The following PHACTR3 variants were observed in gnomAD, a reference collection of about 807,000 sequenced individuals.
The protein encoded by PHACTR3 is phosphatase and actin regulator 3, also known as protein phosphatase 1, regulatory subunit 123.
In PHACTR3, 16 loss-of-function variants were observed where a neutral mutation model predicts 66.8. That is an observed-to-expected ratio of 0.24 (90% confidence interval 0.16 to 0.36). The LOEUF is 0.36. PHACTR3 is among the 10% of genes least tolerant of loss of function. The pLI is 1.00. For missense variants in PHACTR3, 647 were observed against 719.9 expected (o/e 0.90, Z 1.16); for synonymous variants, 323 against 292.1 (o/e 1.11, Z -1.08).
At chr20:59,785,874 C>CT (rs1568820671) in intron 7 of PHACTR3, among the ~76,000 whole-genome samples, 1 of 138,848 alleles carries the variant, frequency 7.2e-6, no homozygotes, top group African/African-American at 3.3e-5. Flanking sequence ...TCTGCATCCC[C>CT]TACTTCATTT....
chr20:59,733,776 G>C (rs1209878708), intron 1 of PHACTR3, among the ~76,000 whole-genome samples: 1 of 152,076 alleles, frequency 6.6e-6, no homozygotes, highest in South Asian at 2.1e-4. Flanking sequence ...ATAGTTCTTC[G>C]CTTGCTAGGG....
rs528875142 is a variant in PHACTR3, at chr20:59,584,101, C to G, written c.109+6484C>G. 3.9e-5 allele frequency among the ~76,000 whole-genome samples: 6 copies of G among 152,376 alleles called. 1 individual carries two copies. The South Asian group carries it at 1.2e-3, about 32-fold the overall frequency. On this transcript the variant is annotated intron_variant, in intron 1 of 12. Coordinates refer to the PHACTR3 transcript ENST00000359926. Reference sequence around the variant, plus strand: ...AGCGCGTGGGCAAGAAGGTGTCGTACTGGTGCCCGTGTGTGCAACGGGGCA... The same window carrying G: ...AGCGCGTGGGCAAGAAGGTGTCGTAGTGGTGCCCGTGTGTGCAACGGGGCA...
chr20:59,602,285 G>A (rs1012310030), upstream of PHACTR3, among the ~76,000 whole-genome samples: 9 of 151,898 alleles, frequency 5.9e-5, no homozygotes, highest in Admixed American at 1.3e-4. Context: ...CATGCATGTC[G>A]GCCCGGTGTG....
intron 1 of PHACTR3, among the ~76,000 whole-genome samples, chr20:59,693,725 C>T (rs1025042318): frequency 2.0e-5 from 3 of 152,184 alleles, no homozygotes; most frequent in African/African-American, 4.8e-5. Flanking sequence ...TGCATGCATC[C>T]GTATTCAACT....
In PHACTR3 at chr20:59,631,394, C is replaced by A. The variant is rs546155789; in HGVS notation, c.118+26262C>A. ...TCTTCTGTCCCCTAGCCCCCAGCAA[C>A]AGCAAACACTTAGTGCCTGCCTTTC... On this transcript the variant is annotated intron_variant, in intron 1 of 12. Coordinates refer to ENST00000371015, the MANE Select transcript of PHACTR3 (RefSeq NM_080672.5). Among the ~76,000 whole-genome samples, 5 of 152,310 alleles carry A rather than the reference C, an allele frequency of 3.3e-5. No individual in the cohort carries two copies. The South Asian group carries it at 8.3e-4, about 25-fold the overall frequency.
At chr20:59,693,579 C>T (rs569067486) in intron 1 of PHACTR3, among the ~76,000 whole-genome samples, 1 of 152,180 alleles carries the variant, frequency 6.6e-6, no homozygotes, top group African/African-American at 2.4e-5. Flanking sequence ...AGCTTCACTA[C>T]TTCTGAGACT....
At chr20:59,592,224 G>T (rs1485182168) in intron 1 of PHACTR3, among the ~76,000 whole-genome samples, 1 of 152,150 alleles carries the variant, frequency 6.6e-6, no homozygotes, top group Admixed American at 6.5e-5. Flanking sequence ...TCCTTAGAGA[G>T]CCCTGTGCCT....
intron 1 of PHACTR3, among the ~76,000 whole-genome samples, chr20:59,593,048 T>G (rs2033230875): frequency 6.6e-6 from 1 of 152,206 alleles, no homozygotes; most frequent in Admixed American, 6.5e-5. Flanking sequence ...GGTAAGAGAA[T>G]TTTTAGTTTT....
chr20:59,586,482 G>A (rs2033032096), intron 1 of PHACTR3, among the ~76,000 whole-genome samples: 1 of 151,930 alleles, frequency 6.6e-6, no homozygotes, highest in Admixed American at 6.5e-5. Context: ...TGCTATCTGT[G>A]CCTTTTCCTA....
intron 1 of PHACTR3, among the ~76,000 whole-genome samples, chr20:59,612,617 C>T (rs905739792): frequency 6.6e-6 from 1 of 152,196 alleles, no homozygotes; most frequent in Non-Finnish European, 1.5e-5. Context: ...AACTCTTGAC[C>T]TTGTGATCCG....
intron 8 of PHACTR3, among the ~76,000 whole-genome samples, chr20:59,835,308 C>A (rs1015277029): frequency 1.3e-5 from 2 of 151,948 alleles, no homozygotes; most frequent in Non-Finnish European, 2.9e-5. Context: ...CACTGAACAT[C>A]GAGATATGAT....
intron 8 of PHACTR3, among the ~76,000 whole-genome samples, chr20:59,828,054 C>A (rs529515544): frequency 6.6e-6 from 1 of 152,226 alleles, no homozygotes; most frequent in Non-Finnish European, 1.5e-5. Flanking sequence ...ACTGGCCCCC[C>A]ATTCCACTTG....
intron 1 of PHACTR3, among the ~76,000 whole-genome samples, chr20:59,588,670 C>G (rs575155622): frequency 2.6e-5 from 4 of 152,328 alleles, no homozygotes; most frequent in Admixed American, 2.0e-4. Flanking sequence ...TGCTTCTCAG[C>G]CCCTCCAGCT....
rs538571310 is a variant in PHACTR3, at chr20:59,846,604, T to C, written c.1665-511T>C. ...TACATTATTAAATGTTTAGTAAAGA[T>C]GTTTATTGTCCTAAGTTGATAGCTT... On this transcript the variant is annotated intron_variant, in intron 12 of 12. Coordinates refer to ENST00000371015, the MANE Select transcript of PHACTR3 (RefSeq NM_080672.5). Among the ~76,000 whole-genome samples the C allele has an allele frequency of 4.6e-5, 7 of 152,312 alleles. No homozygotes were observed. In the South Asian group the frequency reaches 1.2e-3, roughly 27 times the overall value.
intron 8 of PHACTR3, among the ~76,000 whole-genome samples, chr20:59,812,483 C>T (rs905969230): frequency 4.6e-5 from 7 of 152,194 alleles, no homozygotes; most frequent in Admixed American, 3.9e-4. Context: ...TAGACGCTCC[C>T]TCCTCTAGAT....
chr20:59,756,843 A>G (rs1303684618), intron 4 of PHACTR3, among the ~76,000 whole-genome samples: 2 of 152,116 alleles, frequency 1.3e-5, no homozygotes, highest in South Asian at 2.1e-4. Context: ...AGCAATGGCA[A>G]CAAAAGCCAA....
At chr20:59,766,598 G>A (rs1419960035) in intron 4 of PHACTR3, among the ~76,000 whole-genome samples, 3 of 152,098 alleles carry the variant, frequency 2.0e-5, no homozygotes, top group Admixed American at 6.5e-5. Flanking sequence ...GGTTCTGGGT[G>A]GCCTGACCCT....
chr20:59,612,673 C>G (rs373678335), intron 1 of PHACTR3, among the ~76,000 whole-genome samples: 1 of 152,170 alleles, frequency 6.6e-6, no homozygotes, highest in African/African-American at 2.4e-5. Flanking sequence ...CGTAAGCCAC[C>G]GCGCCTGGCT....
chr20:59,767,976 C>G (rs548364714), intron 5 of PHACTR3, among the ~76,000 whole-genome samples: 4 of 151,974 alleles, frequency 2.6e-5, no homozygotes, highest in Non-Finnish European at 5.9e-5. Context: ...CTTCCTCCCT[C>G]CCTCTCTCTG....
Sources: allele counts gnomAD v4.1 joint callset (sites outside exome capture counted in the v4.1 genomes callset), GRCh38; gene constraint gnomAD v4.1.1; transcripts MANE v1.5; gene names NCBI Gene and HGNC (gene_info 2026-07-23, HGNC 2026-07-21).